Variants in C4orf50 observed in about 807,000 individuals in gnomAD.
C4orf50 encodes the protein uncharacterized protein C4orf50.
Under a neutral mutation model 77.2 loss-of-function variants are expected in C4orf50, and 80 were observed. The ratio of observed to expected loss-of-function variants is 1.04; its 90% CI spans 0.87 to 1.25. The LOEUF (loss-of-function observed/expected upper bound fraction) is 1.25, where lower values mean the gene tolerates loss of function less well. C4orf50 is among the 50% of genes most tolerant of loss of function. C4orf50 has a pLI of 0.00. For missense variants in C4orf50, 1,257 were observed against 1,152.9 expected (o/e 1.09, Z -1.31); for synonymous variants, 532 against 465.3 (o/e 1.14, Z -1.84).
intron 7 of C4orf50, among the ~76,000 whole-genome samples, chr4:5,906,700 C>A (rs985321718): frequency 2.6e-5 from 4 of 152,200 alleles, no homozygotes; most frequent in African/African-American, 9.7e-5. Context: ...CAGCTCGTGG[C>A]CGCATCCATC....
intron 25 of C4orf50, among the ~76,000 whole-genome samples, chr4:6,004,224 ATGTGATGGTGATGATGATGGTGATGATGG>A (rs1722078108): frequency 2.2e-5 from 1 of 46,424 alleles, no homozygotes. Flanking sequence ...GATGGTGATG[ATGTGATGGTGATGATGATGGTGATGATGG>A]TGATGGTGAT....
At chr4:5,928,097 T>G (rs907715133) in intron 7 of C4orf50, among the ~76,000 whole-genome samples, 2 of 152,204 alleles carry the variant, frequency 1.3e-5, no homozygotes, top group Non-Finnish European at 2.9e-5. Context: ...TTAAGGAACA[T>G]AATGTTTATG....
rs115579326 is a variant in C4orf50, at chr4:5,973,740, G to A, written c.4023C>T (p.Leu1341=). The A allele has an allele frequency of 1.1e-4, 181 of 1,614,026 alleles. No individual in the cohort carries two copies. In the East Asian group the frequency reaches 3.8e-3, roughly 34 times the overall value. The stretch of plus-strand genomic sequence containing the variant: ...TGAGCATGTTCTGCGCCAGCTCGGA[G>A]AGCAGGAGGTTCCCCAGCCCATGTC... Residue 1341 remains leucine, a synonymous_variant, in exon 31 of 34, where the codon CTC becomes CTT. Transcript: ENST00000531445.
intron 29 of C4orf50, among the ~76,000 whole-genome samples, chr4:5,977,135 G>A (rs1401386426): frequency 2.0e-5 from 3 of 152,164 alleles, no homozygotes; most frequent in Non-Finnish European, 2.9e-5. Flanking sequence ...GGCCGCCGGG[G>A]ACCCCCCAGC....
intron 7 of C4orf50, among the ~76,000 whole-genome samples, chr4:5,931,200 G>C (rs1277454674): frequency 6.6e-6 from 1 of 152,176 alleles, no homozygotes; most frequent in Non-Finnish European, 1.5e-5. Context: ...CAGACTCAAA[G>C]TCCAGGCTAC....
exon 28 of C4orf50, chr4:5,989,272 C>T: frequency 6.5e-7 from 1 of 1,536,008 alleles, no homozygotes; most frequent in Non-Finnish European, 8.7e-7. Flanking sequence ...CTGATGAAAC[C>T]TGCTCCTCAC....
exon 28 of C4orf50, chr4:5,989,061 T>C (rs1198060188): frequency 4.6e-6 from 7 of 1,536,100 alleles, no homozygotes; most frequent in Non-Finnish European, 5.2e-6. Flanking sequence ...CCTGTAAATA[T>C]TGATCCAGTT....
chr4:6,004,699 ATGGTGATGG>A (rs1291534269), intron 25 of C4orf50, among the ~76,000 whole-genome samples: 2 of 120,298 alleles, frequency 1.7e-5, no homozygotes, highest in Non-Finnish European at 3.5e-5. Flanking sequence ...GATGGTGATA[ATGGTGATGG>A]TGGTGATGAT....
intron 28 of C4orf50, among the ~76,000 whole-genome samples, chr4:5,987,721 T>C (rs566970504): frequency 2.0e-5 from 3 of 151,858 alleles, no homozygotes; most frequent in South Asian, 2.1e-4. Flanking sequence ...GAAAATGGAA[T>C]GAATGAATGC....
At chr4:5,937,235 A>C (rs1215590174) in intron 7 of C4orf50, among the ~76,000 whole-genome samples, 1 of 152,178 alleles carries the variant, frequency 6.6e-6, no homozygotes, top group Non-Finnish European at 1.5e-5. Flanking sequence ...GGCTCATGTG[A>C]AAAGTATAAA....
chr4:5,987,002 A>G (rs1720899485), intron 28 of C4orf50, among the ~76,000 whole-genome samples: 1 of 152,260 alleles, frequency 6.6e-6, no homozygotes, highest in Non-Finnish European at 1.5e-5. Flanking sequence ...AGAGAAATTT[A>G]TAGCTTTAAT....
chr4:5,920,680 T>A (rs201171981), intron 7 of C4orf50, among the ~76,000 whole-genome samples: 2 of 71,392 alleles, frequency 2.8e-5, no homozygotes, highest in South Asian at 1.5e-3. Flanking sequence ...TTTCACCATT[T>A]GGCCAGGCTG....
At chr4:5,923,021 C>T (rs1369216016) in intron 7 of C4orf50, among the ~76,000 whole-genome samples, 1 of 152,196 alleles carries the variant, frequency 6.6e-6, no homozygotes, top group East Asian at 1.9e-4. Context: ...ACTTTTCACA[C>T]ATTTTCTCCC....
chr4:5,913,600 G>A (rs1716902641), intron 7 of C4orf50, among the ~76,000 whole-genome samples: 4 of 152,176 alleles, frequency 2.6e-5, no homozygotes, highest in South Asian at 2.1e-4. Context: ...CACTTTCGCT[G>A]TCCTTAACAT....
intron 25 of C4orf50, among the ~76,000 whole-genome samples, chr4:5,997,674 A>G (rs1268217646): frequency 6.6e-6 from 1 of 152,266 alleles, no homozygotes; most frequent in East Asian, 1.9e-4. Flanking sequence ...AAAATGAGAA[A>G]TATCAGGATA....
In C4orf50 at chr4:6,008,490, G is replaced by C; in HGVS notation, c.469C>G (p.Arg157Gly). ...CGCCGCAACCGCTCCTGCAACCGCCGCAGCCGCCACTGCTGCCGCCTGGCC... is the reference window on the plus strand; with the variant it reads ...CGCCGCAACCGCTCCTGCAACCGCCCCAGCCGCCACTGCTGCCGCCTGGCC... The change falls in exon 25 of 34, where the codon CGG (arginine) becomes GGG (glycine). Residue 157 changes from arginine to glycine, a missense_variant. Arg to Gly is a moderately radical substitution (Grantham distance 125). Transcript: ENST00000531445. This position sits in a 1 kb window ranked among gnomAD's most constrained non-coding sequence, Gnocchi z 6.0. The C allele has an allele frequency of 7.5e-6, 3 of 397,944 alleles. No individual in the cohort carries two copies. The highest frequency in any genetic ancestry group is 1.3e-5 in the Non-Finnish European group (3 of 225,634). 24.7% of individuals were successfully genotyped at this position (397,944 alleles called of 1,614,324 possible). A position where few individuals can be genotyped will look rare whatever the true frequency, so the allele number is the denominator to read the frequency against.
intron 7 of C4orf50, among the ~76,000 whole-genome samples, chr4:5,907,127 G>A (rs181472112): frequency 1.2e-3 from 186 of 152,254 alleles, no homozygotes; most frequent in Non-Finnish European, 1.8e-3. Context: ...TCCACTACGA[G>A]GACAAAGCAA....
intron 7 of C4orf50, among the ~76,000 whole-genome samples, chr4:5,929,115 C>T (rs1382775943): frequency 6.6e-6 from 1 of 152,172 alleles, no homozygotes; most frequent in Non-Finnish European, 1.5e-5. Context: ...TATATCATTT[C>T]CTCATCCATT....
intron 24 of C4orf50, among the ~76,000 whole-genome samples, chr4:6,010,087 A>T (rs975986550): frequency 2.6e-5 from 4 of 152,140 alleles, no homozygotes; most frequent in African/African-American, 9.7e-5. Flanking sequence ...CACACTGTGA[A>T]CATCATTACA....
Sources: gnomAD v4.1 joint callset for allele counts (sites outside exome capture counted in the v4.1 genomes callset) on GRCh38, gnomAD v4.1.1 for gene constraint, Gnocchi (gnomAD v3.1) non-coding constraint, MANE v1.5 for transcripts, NCBI Gene and HGNC (gene_info 2026-07-23, HGNC 2026-07-21) for gene names.